Variants in USH2A observed in about 807,000 individuals in gnomAD.
USH2A encodes the protein usherin.
In USH2A, 443 loss-of-function variants were observed where a neutral mutation model predicts 538.9. That is an observed-to-expected ratio of 0.82 (90% CI 0.76 to 0.89). USH2A has a LOEUF of 0.89. Ranked by LOEUF, USH2A falls within the 40% of genes least tolerant of loss-of-function variation. The probability of loss-of-function intolerance (pLI) is 0.00; values close to 1 mark genes in which losing one functional copy is unlikely to be tolerated. For synonymous variants in USH2A, 2,413 were observed against 2,273.5 expected (o/e 1.06, Z -1.75); for missense variants, 6,633 against 6,324.8 (o/e 1.05, Z -1.65).
chr1:216,197,279 C>G (rs1052387905), intron 18 of USH2A, among the ~76,000 whole-genome samples: 2 of 152,256 alleles, frequency 1.3e-5, no homozygotes, highest in East Asian at 1.9e-4. Flanking sequence ...CCCTTTCCCC[C>G]CTGCCACTCC....
At chr1:216,120,856 A>C (rs1444112188) in intron 21 of USH2A, among the ~76,000 whole-genome samples, 1 of 152,094 alleles carries the variant, frequency 6.6e-6, no homozygotes, top group African/African-American at 2.4e-5. Flanking sequence ...GTCTCAAAAA[A>C]GAAAAGCCAA....
chr1:216,411,735 G>C (rs893690154), intron 3 of USH2A, among the ~76,000 whole-genome samples: 6 of 152,046 alleles, frequency 3.9e-5, no homozygotes, highest in Non-Finnish European at 7.4e-5. Flanking sequence ...ACCAGATGCT[G>C]GAAGAGACAA....
intron 61 of USH2A, among the ~76,000 whole-genome samples, chr1:215,681,265 C>T (rs1335339460): frequency 6.6e-6 from 1 of 151,656 alleles, no homozygotes; most frequent in African/African-American, 2.4e-5. Flanking sequence ...AGGATATGTC[C>T]TTTTAAAGTA....
intron 60 of USH2A, among the ~76,000 whole-genome samples, chr1:215,741,171 A>G (rs1660289292): frequency 6.6e-6 from 1 of 152,106 alleles, no homozygotes; most frequent in African/African-American, 2.4e-5. Flanking sequence ...TCCTTGGTTA[A>G]TTTGTAAAAG....
chr1:215,718,695 G>A (rs759626299), intron 61 of USH2A, among the ~76,000 whole-genome samples: 4 of 151,824 alleles, frequency 2.6e-5, no homozygotes, highest in Non-Finnish European at 4.4e-5. Flanking sequence ...TCACCCATAA[G>A]CCCTTGCAGA....
intron 61 of USH2A, among the ~76,000 whole-genome samples, chr1:215,690,461 C>T (rs1297790346): frequency 2.0e-5 from 3 of 152,178 alleles, no homozygotes; most frequent in South Asian, 2.1e-4. Context: ...GTGATGCAAA[C>T]CTGCAGTCCC....
intron 9 of USH2A, among the ~76,000 whole-genome samples, chr1:216,296,269 T>C (rs1161717591): frequency 6.6e-6 from 1 of 152,058 alleles, no homozygotes; most frequent in Admixed American, 6.5e-5. Flanking sequence ...AGTTAAACTC[T>C]ATGGTCAATT....
chr1:215,843,853 A>G (rs1289591767), intron 46 of USH2A, among the ~76,000 whole-genome samples: 1 of 152,192 alleles, frequency 6.6e-6, no homozygotes, highest in Non-Finnish European at 1.5e-5. Flanking sequence ...CGCTTACAAA[A>G]GAGGAAATTG....
intron 11 of USH2A, among the ~76,000 whole-genome samples, chr1:216,277,546 G>GA (rs2036694268): frequency 6.6e-6 from 1 of 152,088 alleles, no homozygotes; most frequent in Non-Finnish European, 1.5e-5. Flanking sequence ...TCTGTGTGTA[G>GA]AAAAGAAGAG....
chr1:216,028,652 G>A (rs1669024478), intron 32 of USH2A, among the ~76,000 whole-genome samples: 2 of 151,758 alleles, frequency 1.3e-5, no homozygotes, highest in Non-Finnish European at 2.9e-5. Flanking sequence ...AAAAGACAAA[G>A]CGGAAAAAAA....
rs145350595 is a variant in USH2A at position 215,755,785 on chromosome 1, G to A, written c.11389+2810C>T. ...ATGAACAATTTATACAAAGCCTGAG[G>A]TATGTGAGAGTTAAGGTCATATTAA... On this transcript the variant is annotated intron_variant, in intron 58 of 71. Coordinates refer to ENST00000307340, the MANE Select transcript of USH2A (RefSeq NM_206933.4). 3.3e-5 allele frequency among the ~76,000 whole-genome samples: 5 copies of A among 152,242 alleles called. No individual in the cohort carries two copies. The East Asian group carries it at 9.6e-4, about 29-fold the overall frequency.
At chr1:215,851,685 T>C (rs1227787161) in intron 44 of USH2A, among the ~76,000 whole-genome samples, 1 of 152,152 alleles carries the variant, frequency 6.6e-6, no homozygotes, top group Non-Finnish European at 1.5e-5. Flanking sequence ...CTTACATCAT[T>C]CTTTGAAGCC....
At chr1:216,026,019 T>C (rs546590604) in intron 32 of USH2A, among the ~76,000 whole-genome samples, 9 of 152,192 alleles carry the variant, frequency 5.9e-5, no homozygotes, top group African/African-American at 2.2e-4. Context: ...CATTGCAAAA[T>C]AGCCTTTTAA....
At chr1:215,958,450 C>G (rs658619) in intron 37 of USH2A, among the ~76,000 whole-genome samples, 127,950 of 152,078 alleles carry the variant, frequency 0.84, 54,025 homozygotes, top group East Asian at 0.98. Context: ...TTCTGCATTT[C>G]TGCAGTTTCC....
Position 216,324,291 on chromosome 1 carries a change from T to G in USH2A, c.1205A>C (p.Lys402Thr), listed in dbSNP as rs768097637. The G allele has an allele frequency of 6.2e-7, 1 of 1,613,172 alleles. No homozygotes were observed. Among genetic ancestry groups the G allele is most frequent in the African/African-American group, 1.3e-5 (1 of 75,032 alleles). Reference sequence around the variant, plus strand: ...CTCCCAATCTAAACTATTTTCCTTCTTCCTTTGAATCCTTATTTCCGTTGG... The same window carrying G: ...CTCCCAATCTAAACTATTTTCCTTCGTCCTTTGAATCCTTATTTCCGTTGG... ...PQPTEIRIQR[K>T]KENSLDWEDW... is the part of the protein sequence containing the mutation. Residue 402 changes from lysine (K) to threonine (T), a missense_variant, in exon 7 of 72, where the codon AAG becomes ACG. Coordinates refer to ENST00000307340, the MANE Select transcript of USH2A (RefSeq NM_206933.4).
intron 69 of USH2A, among the ~76,000 whole-genome samples, chr1:215,637,408 A>G (rs1380694312): frequency 2.6e-5 from 4 of 152,212 alleles, no homozygotes; most frequent in African/African-American, 9.7e-5. Flanking sequence ...TTAACTTGGC[A>G]AACCATTGCA....
intron 61 of USH2A, among the ~76,000 whole-genome samples, chr1:215,680,990 A>G (rs1319524889): frequency 6.6e-6 from 1 of 152,228 alleles, no homozygotes; most frequent in Admixed American, 6.5e-5. Context: ...TTATTAATAT[A>G]GATATAAAAA....
At chr1:215,679,015 T>C (rs1029786332) in intron 62 of USH2A, among the ~76,000 whole-genome samples, 1 of 152,152 alleles carries the variant, frequency 6.6e-6, no homozygotes. Context: ...GATTTTAAGG[T>C]CATGAATCCT....
intron 38 of USH2A, among the ~76,000 whole-genome samples, chr1:215,902,750 A>G (rs1345013076): frequency 6.6e-6 from 1 of 152,074 alleles, no homozygotes; most frequent in South Asian, 2.1e-4. Context: ...AGCCATCCGA[A>G]TGTCTGGAGG....
Sources: allele counts gnomAD v4.1 joint callset (sites outside exome capture counted in the v4.1 genomes callset), GRCh38; gene constraint gnomAD v4.1.1; transcripts MANE v1.5; gene names NCBI Gene and HGNC (gene_info 2026-07-23, HGNC 2026-07-21).